ANKRD28: variants seen among roughly 807,000 people sequenced by gnomAD.
ANKRD28 encodes the protein ankyrin repeat domain 28.
Under a neutral mutation model 126.5 loss-of-function variants are expected in ANKRD28, and 44 were observed. The ratio of observed to expected loss-of-function variants is 0.35; its 90% CI spans 0.27 to 0.45. ANKRD28 has a LOEUF of 0.45. Ranked by LOEUF, ANKRD28 falls within the 20% of genes least tolerant of loss-of-function variation. The pLI is 1.00. For synonymous variants in ANKRD28, 442 were observed against 468.5 expected (o/e 0.94, Z 0.73); for missense variants, 1,110 against 1,316.6 (o/e 0.84, Z 2.43).
chr3:15,825,723 TAA>T (rs1575776751), intron 1 of ANKRD28, among the ~76,000 whole-genome samples: 1 of 151,910 alleles, frequency 6.6e-6, no homozygotes, highest in African/African-American at 2.4e-5. Context: ...ACAAAACCAA[TAA>T]AAGATTCATA....
intron 26 of ANKRD28, chr3:15,676,720 A>G: frequency 3.1e-6 from 1 of 325,274 alleles, no homozygotes; most frequent in Admixed American, 4.5e-5. Context: ...TCCTTCAGAA[A>G]ATTAGGTAGG....
intron 12 of ANKRD28, 45 bp downstream of exon 12, chr3:15,711,166 G>T: frequency 6.8e-7 from 1 of 1,473,042 alleles, no homozygotes; most frequent in Non-Finnish European, 9.4e-7. Flanking sequence ...AACCTGCCAT[G>T]ACCAGCTATC....
At chr3:15,778,467 C>T (rs893836503) in intron 2 of ANKRD28, among the ~76,000 whole-genome samples, 3 of 152,110 alleles carry the variant, frequency 2.0e-5, no homozygotes, top group African/African-American at 7.2e-5. Flanking sequence ...ATGGTCAGTT[C>T]TTTGTCCTTC....
chr3:15,842,479 G>A (rs535478353), intron 1 of ANKRD28, among the ~76,000 whole-genome samples: 2 of 151,970 alleles, frequency 1.3e-5, no homozygotes, highest in African/African-American at 4.8e-5. Flanking sequence ...TTAATGGGTA[G>A]AAAAAAATAG....
rs1381952873 is a variant in ANKRD28 at position 15,854,542 on chromosome 3, A to C, written c.27+4835T>G. On this transcript the variant is annotated intron_variant, in intron 1 of 27. Coordinates refer to the ANKRD28 transcript ENST00000399451. This position sits in a 1 kb window ranked among gnomAD's most constrained non-coding sequence, Gnocchi z 4.1. ...CTATTTTGTATTGCAAAAGGTATCC[A>C]AAAAGTGAGGAAACACAGAACTTGT... 2.0e-5 allele frequency among the ~76,000 whole-genome samples: 3 copies of C among 149,726 alleles called. No homozygotes were observed. Among genetic ancestry groups the C allele is most frequent in the Admixed American group, 6.6e-5 (1 of 15,174 alleles).
chr3:15,708,521 G>A (rs771339710), intron 13 of ANKRD28, among the ~76,000 whole-genome samples: 1 of 152,040 alleles, frequency 6.6e-6, no homozygotes, highest in Non-Finnish European at 1.5e-5. Context: ...AATTAACCCT[G>A]AATTACTTTC....
chr3:15,770,723 AAGG>A (rs1483377589), intron 2 of ANKRD28, among the ~76,000 whole-genome samples: 1 of 152,210 alleles, frequency 6.6e-6, no homozygotes, highest in East Asian at 1.9e-4. Context: ...TCAGCAGCCC[AAGG>A]AGAAGTCTCT....
At chr3:15,818,193 T>C (rs1248623997) in intron 1 of ANKRD28, among the ~76,000 whole-genome samples, 1 of 152,074 alleles carries the variant, frequency 6.6e-6, no homozygotes, top group Non-Finnish European at 1.5e-5. Context: ...AGCCCAAACA[T>C]CTCAGGTAGT....
At position 15,853,079 on chromosome 3, in the gene ANKRD28, T is replaced by C. The variant is rs2061686849; in HGVS notation, c.27+6298A>G. Among the ~76,000 whole-genome samples the C allele has an allele frequency of 6.6e-6, 1 of 152,080 alleles. No individual in the cohort carries two copies. The highest frequency in any genetic ancestry group is 1.5e-5 in the Non-Finnish European group (1 of 68,008). ...ATGGGAATGGAAATTAAACCTAAAA[T>C]ATTTGAAAATTAAACCACTTCAACT... On this transcript the variant is annotated intron_variant, in intron 1 of 27. Transcript: ENST00000399451. This position sits in a 1 kb window ranked among gnomAD's most constrained non-coding sequence, Gnocchi z 4.2.
At chr3:15,856,809 T>C (rs1471542565) in intron 1 of ANKRD28, among the ~76,000 whole-genome samples, 1 of 152,210 alleles carries the variant, frequency 6.6e-6, no homozygotes, top group East Asian at 1.9e-4. Context: ...AAAACAACCC[T>C]TTTGCATTTG....
At chr3:15,766,156 T>C (rs933764339) in intron 3 of ANKRD28, 78 bp downstream of exon 3, 11 of 1,111,580 alleles carry the variant, frequency 9.9e-6, no homozygotes, top group African/African-American at 7.8e-5. Flanking sequence ...ATGCAGTAAA[T>C]AGTCAATTAT....
intron 7 of ANKRD28, among the ~76,000 whole-genome samples, chr3:15,723,430 T>G (rs1193281793): frequency 1.3e-5 from 2 of 152,242 alleles, no homozygotes; most frequent in African/African-American, 4.8e-5. Context: ...AAAGAACCAA[T>G]GAGTTCTTCA....
chr3:15,799,524 A>T (rs1414100108), upstream of ANKRD28, among the ~76,000 whole-genome samples: 1 of 152,096 alleles, frequency 6.6e-6, no homozygotes, highest in African/African-American at 2.4e-5. Flanking sequence ...GTATGTAAAT[A>T]TTGAACATAC....
At chr3:15,850,092 G>GT (rs1200360881) in intron 1 of ANKRD28, among the ~76,000 whole-genome samples, 5 of 150,676 alleles carry the variant, frequency 3.3e-5, no homozygotes, top group Admixed American at 3.3e-4. Flanking sequence ...CACATTTAGA[G>GT]TCAACTGATT....
At chr3:15,701,175 C>T (rs2070546230) in intron 14 of ANKRD28, among the ~76,000 whole-genome samples, 1 of 152,172 alleles carries the variant, frequency 6.6e-6, no homozygotes, top group African/African-American at 2.4e-5. Context: ...GCCATTATTT[C>T]AATGCTAACA....
intron 3 of ANKRD28, among the ~76,000 whole-genome samples, chr3:15,760,691 T>C (rs1411700015): frequency 3.3e-5 from 5 of 152,028 alleles, no homozygotes; most frequent in African/African-American, 1.2e-4. Context: ...GATAAGACAA[T>C]GTAGAGAGAC....
chr3:15,773,241 T>C (rs889772876), intron 2 of ANKRD28, among the ~76,000 whole-genome samples: 2 of 151,704 alleles, frequency 1.3e-5, no homozygotes, highest in African/African-American at 4.8e-5. Context: ...GTGAAAGTTA[T>C]ACTAAAAAAA....
At chr3:15,739,598 C>T (rs536171179) in intron 4 of ANKRD28, among the ~76,000 whole-genome samples, 3 of 152,292 alleles carry the variant, frequency 2.0e-5, no homozygotes, top group East Asian at 3.9e-4. Context: ...GGGGAAATAA[C>T]ATCTGCCTAC....
In ANKRD28 at chr3:15,702,165, CT is replaced by C. The variant is rs1193930100; in HGVS notation, c.1547+5758del. On this transcript the variant is annotated intron_variant, in intron 14 of 27. Transcript: ENST00000683139. ...TAAGTTAAATGACTTTTCCCAAATC[CT>C]TTTGGCTAGAATATGGCAAACCAAG... Among the ~76,000 whole-genome samples, 8 of 152,166 alleles carry C rather than the reference CT, an allele frequency of 5.3e-5. No homozygotes were observed. The East Asian group carries it at 1.5e-3, about 29-fold the overall frequency.
Sources: gnomAD v4.1 joint callset for allele counts (sites outside exome capture counted in the v4.1 genomes callset) on GRCh38, gnomAD v4.1.1 for gene constraint, Gnocchi (gnomAD v3.1) non-coding constraint, MANE v1.5 for transcripts, NCBI Gene and HGNC (gene_info 2026-07-23, HGNC 2026-07-21) for gene names.